ADCY2: variants seen among roughly 807,000 people sequenced by gnomAD.
ADCY2 encodes the protein adenylate cyclase type 2.
A neutral mutation model predicts 125.2 loss-of-function variants in ADCY2; 31 were observed. The observed-to-expected ratio is 0.25, with a 90% confidence interval of 0.19 to 0.33. ADCY2 has a LOEUF of 0.33. Ranked by LOEUF, ADCY2 falls within the 10% of genes least tolerant of loss-of-function variation. The pLI, the probability that ADCY2 is intolerant of heterozygous loss-of-function variation, is 1.00. For synonymous variants in ADCY2, 512 were observed against 548.4 expected, an observed-to-expected ratio of 0.93 and a Z score of 0.93; for missense variants, 904 against 1,418.2, an observed-to-expected ratio of 0.64 and a Z score of 5.82.
intron 2 of ADCY2, among the ~76,000 whole-genome samples, chr5:7,428,623 T>C (rs1740475182): frequency 6.6e-6 from 1 of 152,188 alleles, no homozygotes; most frequent in Admixed American, 6.5e-5. Context: ...ATAAGTATTC[T>C]GTTAAAACCA....
chr5:7,623,364 C>G (rs1318703967), intron 3 of ADCY2, among the ~76,000 whole-genome samples: 1 of 152,286 alleles, frequency 6.6e-6, no homozygotes. Flanking sequence ...GCGTTGGCTT[C>G]TCTCATTTCC....
chr5:7,535,008 A>G (rs1360192740), intron 3 of ADCY2, among the ~76,000 whole-genome samples: 5 of 152,068 alleles, frequency 3.3e-5, no homozygotes, highest in African/African-American at 9.7e-5. Context: ...TGAGCTTCTG[A>G]GATCTTTGGC....
At chr5:7,816,210 A>T (rs1320112214) in intron 22 of ADCY2, among the ~76,000 whole-genome samples, 1 of 152,240 alleles carries the variant, frequency 6.6e-6, no homozygotes, top group Non-Finnish European at 1.5e-5. Context: ...CTCCATTTCA[A>T]GGCCTAAGAG....
Position 7,727,202 on chromosome 5 carries a change from G to A in ADCY2, c.1812G>A (p.Val604=). The change falls in exon 14 of 25, where the codon GTG becomes GTA. Residue 604 remains valine (V), a synonymous_variant. Transcript: ENST00000338316. ...CACTGCCAGCGTTCAAGTATTATGT[G>A]ACTTGTGCCTGTCTCATATTCTTCT... ...ATALPAFKYY[V]TCACLIFFCI... 1 of 1,614,148 alleles carries A rather than the reference G, an allele frequency of 6.2e-7. No individual in the cohort carries two copies. The highest frequency in any genetic ancestry group is 8.5e-7 in the Non-Finnish European group (1 of 1,180,012).
At chr5:7,514,771 A>T (rs933121666) in intron 2 of ADCY2, among the ~76,000 whole-genome samples, 3 of 152,202 alleles carry the variant, frequency 2.0e-5, no homozygotes, top group Non-Finnish European at 4.4e-5. Flanking sequence ...GACACATGGG[A>T]GCAAGGCCAT....
chr5:7,679,452 T>G (rs1003858963), intron 4 of ADCY2, among the ~76,000 whole-genome samples: 1 of 152,148 alleles, frequency 6.6e-6, no homozygotes, highest in Admixed American at 6.5e-5. Flanking sequence ...GCTTCCCATT[T>G]TAGAAAGACC....
At chr5:7,759,504 T>A (rs886530357) in intron 16 of ADCY2, among the ~76,000 whole-genome samples, 1 of 152,134 alleles carries the variant, frequency 6.6e-6, no homozygotes, top group Admixed American at 6.5e-5. Context: ...ACAGGCCAGG[T>A]CCACCGCTGG....
intron 3 of ADCY2, among the ~76,000 whole-genome samples, chr5:7,541,562 A>G (rs1253456823): frequency 1.3e-5 from 2 of 152,210 alleles, no homozygotes; most frequent in Middle Eastern, 3.2e-3. Context: ...CCTGGCCCCA[A>G]TGGACCAGGT....
chr5:7,557,072 A>G (rs527525831), intron 3 of ADCY2, among the ~76,000 whole-genome samples: 1 of 151,774 alleles, frequency 6.6e-6, no homozygotes, highest in East Asian at 1.9e-4. Flanking sequence ...CCAGGAGAGG[A>G]TGTTTTCAAT....
At chr5:7,791,720 T>TC (rs1466047481) in intron 20 of ADCY2, among the ~76,000 whole-genome samples, 1 of 152,058 alleles carries the variant, frequency 6.6e-6, no homozygotes, top group African/African-American at 2.4e-5. Context: ...TTCAGCAAGG[T>TC]CCCCATGTTT....
chr5:7,524,459 A>C lies in ADCY2; in HGVS notation c.570+3560A>C, dbSNP rs1229596758. ...CTATCTGATGCCCGGACCCTGTTCA[A>C]GTTCCTCCAGCTTTCCCTACAATGT... On this transcript the variant is annotated intron_variant, in intron 3 of 24. Transcript: ENST00000338316. Among the ~76,000 whole-genome samples the C allele has an allele frequency of 3.9e-5, 6 of 152,172 alleles. No individual in the cohort carries two copies. In the East Asian group the frequency reaches 1.2e-3, roughly 30 times the overall value.
chr5:7,719,210 A>C (rs1428771107), intron 12 of ADCY2, among the ~76,000 whole-genome samples: 3 of 152,148 alleles, frequency 2.0e-5, no homozygotes, highest in Non-Finnish European at 4.4e-5. Context: ...TAGTATGCAA[A>C]TATATGTTTA....
At chr5:7,730,433 AAT>A (rs1742065183) in intron 14 of ADCY2, among the ~76,000 whole-genome samples, 1 of 152,136 alleles carries the variant, frequency 6.6e-6, no homozygotes, top group African/African-American at 2.4e-5. Context: ...AATTATAGTC[AAT>A]GTTTATTTAA....
intron 2 of ADCY2, among the ~76,000 whole-genome samples, chr5:7,487,317 A>G (rs1579493492): frequency 6.6e-6 from 1 of 151,664 alleles, no homozygotes; most frequent in Non-Finnish European, 1.5e-5. Context: ...CTCTGAAATG[A>G]CCCCCACCAT....
In ADCY2 at chr5:7,757,557, A is replaced by G. The variant is rs1743037851; in HGVS notation, c.2065A>G (p.Ile689Val). 1.2e-6 allele frequency: 2 copies of G among 1,614,090 alleles called. No individual in the cohort carries two copies. The highest frequency in any genetic ancestry group is 2.2e-5 in the East Asian group (1 of 44,862). ...RISLTIITTA[I>V]ILMMAVFNMF... is the part of the protein sequence containing the mutation. Reference sequence around the variant, plus strand: ...CTCTCTCACGATCATCACCACAGCCATCATATTAATGATGGCCGTGTTCAA... The same window carrying G: ...CTCTCTCACGATCATCACCACAGCCGTCATATTAATGATGGCCGTGTTCAA... The change falls in exon 16 of 25, where the codon ATC becomes GTC. Residue 689 changes from isoleucine (I) to valine (V), a missense_variant. By Grantham distance (29) the Ile-to-Val change is conservative. Transcript: ENST00000338316.
chr5:7,600,270 G>C (rs905085513), intron 3 of ADCY2, among the ~76,000 whole-genome samples: 4 of 152,206 alleles, frequency 2.6e-5, no homozygotes, highest in African/African-American at 7.2e-5. Flanking sequence ...GGGAAGGGAT[G>C]GAGCTGTAGT....
At chr5:7,640,266 G>A (rs1423406337) in intron 4 of ADCY2, among the ~76,000 whole-genome samples, 5 of 152,138 alleles carry the variant, frequency 3.3e-5, no homozygotes, top group Non-Finnish European at 5.9e-5. Flanking sequence ...CTATTGCAAG[G>A]AGTGGGTCAG....
chr5:7,510,701 TG>T (rs1202945319), intron 2 of ADCY2, among the ~76,000 whole-genome samples: 1 of 152,180 alleles, frequency 6.6e-6, no homozygotes, highest in Non-Finnish European at 1.5e-5. Flanking sequence ...AAAGGGCAGA[TG>T]GTGCAGCTCT....
chr5:7,493,451 T>C (rs1377755959), intron 2 of ADCY2, among the ~76,000 whole-genome samples: 1 of 152,064 alleles, frequency 6.6e-6, no homozygotes, highest in Non-Finnish European at 1.5e-5. Flanking sequence ...GAAAGAAACA[T>C]AAGCCTGTTT....
Sources: allele counts gnomAD v4.1 joint callset (sites outside exome capture counted in the v4.1 genomes callset), GRCh38; gene constraint gnomAD v4.1.1; transcripts MANE v1.5; gene names NCBI Gene and HGNC (gene_info 2026-07-23, HGNC 2026-07-21).